Variants in FGF13 observed in about 807,000 individuals in gnomAD.
The protein encoded by FGF13 is fibroblast growth factor 13.
FGF13 carries 2 observed loss-of-function variants against 19.5 expected under a neutral mutation model. That is an observed-to-expected ratio of 0.10 (90% confidence interval 0.04 to 0.32). The LOEUF is 0.32. Among genes scored for constraint, FGF13 ranks in the 10% least tolerant of loss-of-function variants. The probability of loss-of-function intolerance (pLI) is 1.00; values close to 1 mark genes in which losing one functional copy is unlikely to be tolerated. For missense variants in FGF13, 113 were observed against 192.7 expected (o/e 0.59, Z 2.45); for synonymous variants, 72 against 76.9 (o/e 0.94, Z 0.33).
chrX:138,950,251 T>C (rs1402194668), intron 1 of FGF13, among the ~76,000 whole-genome samples: 2 of 111,661 alleles, frequency 1.8e-5, no homozygotes, highest in Non-Finnish European at 3.8e-5. Flanking sequence ...AGAAGAGAAA[T>C]CTATCAAAAA....
upstream of FGF13, chrX:139,204,146 G>T: frequency 8.5e-7 from 1 of 1,174,473 alleles, no homozygotes; most frequent in Non-Finnish European, 1.2e-6. Context: ...TCAGAAGACG[G>T]AAGTCCTCGC....
chrX:138,884,470 C>A (rs2091442302), intron 1 of FGF13, among the ~76,000 whole-genome samples: 1 of 112,283 alleles, frequency 8.9e-6, no homozygotes, highest in Non-Finnish European at 1.9e-5. Flanking sequence ...TAAACCTTGT[C>A]CCCAATAACA....
chrX:138,763,154 T>C (rs1414760980), intron 3 of FGF13, among the ~76,000 whole-genome samples: 2 of 110,616 alleles, frequency 1.8e-5, no homozygotes, highest in Non-Finnish European at 3.8e-5. Flanking sequence ...ATACATAGTT[T>C]ATATTATATA....
At chrX:139,012,970 G>C (rs141966796) in intron 1 of FGF13, among the ~76,000 whole-genome samples, 19 of 111,388 alleles carry the variant, frequency 1.7e-4, no homozygotes, top group African/African-American at 5.9e-4. Flanking sequence ...CTACTATTCA[G>C]AATGTACAAA....
intron 1 of FGF13, among the ~76,000 whole-genome samples, chrX:138,985,659 A>G (rs1373337903): frequency 8.9e-6 from 1 of 111,859 alleles, no homozygotes; most frequent in African/African-American, 3.2e-5. Context: ...CCTAACAAAT[A>G]TGAGTGATTA....
intron 3 of FGF13, among the ~76,000 whole-genome samples, chrX:138,805,527 GTGGGGGAA>G: frequency 9.0e-6 from 1 of 111,315 alleles, no homozygotes; most frequent in Non-Finnish European, 1.9e-5. Flanking sequence ...AAGGGTGAGA[GTGGGGGAA>G]TATTTTAGGC....
At chrX:138,868,368 G>T (rs990603615) in intron 1 of FGF13, among the ~76,000 whole-genome samples, 3 of 110,930 alleles carry the variant, frequency 2.7e-5, no homozygotes, top group Non-Finnish European at 5.7e-5. Context: ...GGCCCAGTGT[G>T]TGTGTGTGTG....
In FGF13 at chrX:138,943,825, GA is replaced by G. The variant is rs1228288908; in HGVS notation, c.-112-79176del. ...GAGACAGGGTATAACAGGATAAGTG[GA>G]CACTATTTGACTTCCTGAGTAAACC... On this transcript the variant is annotated intron_variant, in intron 1 of 2. Transcript: ENST00000421460. Among the ~76,000 whole-genome samples, 2 of 111,569 alleles carry G rather than the reference GA, an allele frequency of 1.8e-5. 1 individual carries two copies. Among genetic ancestry groups the G allele is most frequent in the Non-Finnish European group, 3.8e-5 (2 of 53,119 alleles).
chrX:138,711,575 G>A lies in FGF13; in HGVS notation c.-572C>T. ...CTTGCAACTTCTTGGCGTGATAATC[G>A]GGAAAAGTTGGCCCGTGCCAGGTTT... On this transcript the variant is annotated 5_prime_UTR_variant, in exon 1 of 5. Coordinates refer to ENST00000315930, the MANE Select transcript of FGF13 (RefSeq NM_004114.5). 1 of 755,442 alleles carries A rather than the reference G, an allele frequency of 1.3e-6. No homozygotes were observed. The highest frequency in any genetic ancestry group is 1.6e-6 in the Non-Finnish European group (1 of 639,625). The allele number at this position is 755,442 out of a possible 1,213,427, so 62.3% of individuals were successfully genotyped here. A position where few individuals can be genotyped will look rare whatever the true frequency, so the allele number is the denominator to read the frequency against.
downstream of FGF13, among the ~76,000 whole-genome samples, chrX:138,856,059 C>T (rs550264473): frequency 2.8e-4 from 31 of 110,142 alleles, no homozygotes; most frequent in Middle Eastern, 4.7e-3. Flanking sequence ...AAGTAATTGT[C>T]ACTGGTTAAA....
At chrX:139,097,508 A>G in intron 1 of FGF13, among the ~76,000 whole-genome samples, 1 of 110,365 alleles carries the variant, frequency 9.1e-6, no homozygotes, top group Non-Finnish European at 1.9e-5. Context: ...ATACCCAGGT[A>G]ACAAACCTAC....
intron 1 of FGF13, among the ~76,000 whole-genome samples, chrX:139,154,046 C>T (rs1176361261): frequency 9.0e-6 from 1 of 111,611 alleles, no homozygotes; most frequent in Non-Finnish European, 1.9e-5. Flanking sequence ...AATTTGTAGT[C>T]ATCTGTTACA....
intron 1 of FGF13, among the ~76,000 whole-genome samples, chrX:138,865,476 CT>C (rs1411310736): frequency 2.8e-4 from 16 of 56,495 alleles, no homozygotes; most frequent in African/African-American, 5.6e-4. Flanking sequence ...TCTCTCTCCT[CT>C]CTCTCTCTCC....
rs2089131723 is a variant in FGF13, at chrX:138,632,610, CTTCTCTCAG to C, written c.*231_*239del. The stretch of plus-strand genomic sequence containing the variant: ...GAGATCATGAGAAAATTTGGCAGTC[CTTCTCTCAG>C]ATTTAGTTCACTAAAATGCTTGGCA... On this transcript the variant is annotated 3_prime_UTR_variant, in exon 5 of 5. Coordinates refer to ENST00000315930, the MANE Select transcript of FGF13 (RefSeq NM_004114.5). 3.5e-6 allele frequency: 1 copy of C among 283,338 alleles called. No individual in the cohort carries two copies. The highest frequency in any genetic ancestry group is 6.3e-6 in the Non-Finnish European group (1 of 158,544). 23.4% of individuals were successfully genotyped at this position (283,338 alleles called of 1,213,427 possible). A position where few individuals can be genotyped will look rare whatever the true frequency, so the allele number is the denominator to read the frequency against.
chrX:138,790,304 A>C (rs1419345437), intron 3 of FGF13, among the ~76,000 whole-genome samples: 1 of 108,199 alleles, frequency 9.2e-6, no homozygotes, highest in Non-Finnish European at 1.9e-5. Context: ...CATCACGAGG[A>C]CTCTACCCTC....
At chrX:138,877,932 G>C (rs1332449795) in intron 1 of FGF13, among the ~76,000 whole-genome samples, 1 of 110,916 alleles carries the variant, frequency 9.0e-6, no homozygotes, top group Non-Finnish European at 1.9e-5. Flanking sequence ...AAATTATTTT[G>C]TGTATATACA....
upstream of FGF13, among the ~76,000 whole-genome samples, chrX:138,743,563 A>G (rs766035955): frequency 1.8e-5 from 2 of 111,549 alleles, no homozygotes; most frequent in Non-Finnish European, 3.8e-5. Flanking sequence ...AGGTTCATCA[A>G]TTGTAACAAA....
rs1213414189 is a variant in FGF13 at position 138,711,206 on chromosome X, C to G, written c.-203G>C. The G allele has an allele frequency of 2.8e-6, 3 of 1,059,927 alleles. No homozygotes were observed. Among genetic ancestry groups the G allele is most frequent in the Non-Finnish European group, 3.6e-6 (3 of 827,146 alleles). 87.3% of individuals were successfully genotyped at this position (1,059,927 alleles called of 1,213,427 possible). A position where few individuals can be genotyped will look rare whatever the true frequency, so the allele number is the denominator to read the frequency against. On this transcript the variant is annotated 5_prime_UTR_variant, in exon 1 of 5. Coordinates refer to ENST00000315930, the MANE Select transcript of FGF13 (RefSeq NM_004114.5). ...CGTCCGAGCTCCTCCGGCGGCGGTCCGGCTCCCGCGCGGGCTGCTGGCTGC... is the reference window on the plus strand; with the variant it reads ...CGTCCGAGCTCCTCCGGCGGCGGTCGGGCTCCCGCGCGGGCTGCTGGCTGC...
At chrX:139,066,226 A>T (rs1341649620) in intron 1 of FGF13, among the ~76,000 whole-genome samples, 1 of 111,944 alleles carries the variant, frequency 8.9e-6, no homozygotes, top group East Asian at 2.8e-4. Context: ...AGCAGGAAGG[A>T]TCTAAAATCA....
Sources: gnomAD v4.1 joint callset for allele counts (sites outside exome capture counted in the v4.1 genomes callset) on GRCh38, gnomAD v4.1.1 for gene constraint, MANE v1.5 for transcripts, NCBI Gene and HGNC (gene_info 2026-07-23, HGNC 2026-07-21) for gene names.